NEGR1: variants seen among roughly 807,000 people sequenced by gnomAD.
NEGR1 encodes neuronal growth regulator 1, also known as IgLON family member 4.
In NEGR1, 10 loss-of-function variants were observed where a neutral mutation model predicts 40.9. The observed-to-expected ratio is 0.24, with a 90% CI of 0.15 to 0.42. The LOEUF is 0.42. Ranked by LOEUF, NEGR1 falls within the 10% of genes least tolerant of loss-of-function variation. The probability of loss-of-function intolerance (pLI) is 1.00; values close to 1 mark genes in which losing one functional copy is unlikely to be tolerated. For missense variants in NEGR1, 352 were observed against 438.9 expected (o/e 0.80, Z 1.77); for synonymous variants, 185 against 166.8 (o/e 1.11, Z -0.84).
chr1:72,233,512 C>T (rs1320386547), intron 1 of NEGR1, among the ~76,000 whole-genome samples: 2 of 152,142 alleles, frequency 1.3e-5, no homozygotes, highest in East Asian at 3.9e-4. Flanking sequence ...GTACCCAACA[C>T]TTACCTCATG....
intron 1 of NEGR1, among the ~76,000 whole-genome samples, chr1:72,121,664 TA>T (rs1302219002): frequency 6.6e-6 from 1 of 151,972 alleles, no homozygotes; most frequent in Non-Finnish European, 1.5e-5. Context: ...GATAGATGTA[TA>T]AAAATATGAT....
chr1:71,933,138 C>T (rs935159571), intron 2 of NEGR1, among the ~76,000 whole-genome samples: 3 of 151,942 alleles, frequency 2.0e-5, no homozygotes, highest in Non-Finnish European at 4.4e-5. Flanking sequence ...TAAGTACATT[C>T]GTAACTGCTC....
At chr1:72,104,594 A>G (rs1361828138) in intron 1 of NEGR1, among the ~76,000 whole-genome samples, 1 of 152,120 alleles carries the variant, frequency 6.6e-6, no homozygotes. Flanking sequence ...ACTAGTTTTT[A>G]TTTTAAAAGA....
chr1:71,476,119 A>AT (rs1282299414), intron 6 of NEGR1, among the ~76,000 whole-genome samples: 6 of 151,980 alleles, frequency 3.9e-5, no homozygotes, highest in Non-Finnish European at 7.4e-5. Context: ...AATATGTGTC[A>AT]TTTTTTAAAA....
intron 6 of NEGR1, among the ~76,000 whole-genome samples, chr1:71,411,187 C>CT (rs1646317618): frequency 6.6e-6 from 1 of 152,128 alleles, no homozygotes; most frequent in African/African-American, 2.4e-5. Context: ...ACCTTGACTT[C>CT]TTTTTTCAGA....
chr1:72,192,942 T>C (rs899464290), intron 1 of NEGR1, among the ~76,000 whole-genome samples: 1 of 151,822 alleles, frequency 6.6e-6, no homozygotes, highest in East Asian at 1.9e-4. Context: ...TCTTATTCAG[T>C]ACACCAATAA....
intron 6 of NEGR1, among the ~76,000 whole-genome samples, chr1:71,442,251 T>A (rs924315782): frequency 9.1e-4 from 70 of 76,556 alleles, no homozygotes; most frequent in African/African-American, 3.2e-3. Context: ...TTTTTTTTTT[T>A]ACTGGATTTC....
At chr1:71,785,986 G>A (rs1314408051) in intron 2 of NEGR1, among the ~76,000 whole-genome samples, 1 of 152,124 alleles carries the variant, frequency 6.6e-6, no homozygotes, top group Admixed American at 6.6e-5. Context: ...GAGGAGATGT[G>A]TCATTTTAGC....
rs994815599 is a variant in NEGR1, at chr1:71,403,046, A to G, written c.*4400T>C. 3 of 152,216 alleles carry G rather than the reference A, an allele frequency of 2.0e-5. No homozygotes were observed. In the East Asian group the frequency reaches 5.8e-4, roughly 29 times the overall value. 9.4% of individuals were successfully genotyped at this position (152,216 alleles called of 1,614,324 possible). A position where few individuals can be genotyped will look rare whatever the true frequency, so the allele number is the denominator to read the frequency against. ...ATAGCAATGATACTTATATTTCAAA[A>G]TAGCTTATAAAACCAAGCATGAATC... On this transcript the variant is annotated 3_prime_UTR_variant, in exon 7 of 7. Coordinates refer to ENST00000357731, the MANE Select transcript of NEGR1 (RefSeq NM_173808.3).
chr1:71,479,232 G>A (rs986401775), intron 6 of NEGR1, among the ~76,000 whole-genome samples: 13 of 151,838 alleles, frequency 8.6e-5, no homozygotes, highest in African/African-American at 2.7e-4. Context: ...ATCAGTCGAC[G>A]CAGCACTAAT....
chr1:71,946,054 T>C (rs1334436382), intron 1 of NEGR1, among the ~76,000 whole-genome samples: 4 of 152,016 alleles, frequency 2.6e-5, no homozygotes, highest in African/African-American at 9.7e-5. Flanking sequence ...CGTTTCTTTT[T>C]TTTTGTGTGG....
At chr1:72,223,331 C>T (rs1361538940) in intron 1 of NEGR1, among the ~76,000 whole-genome samples, 1 of 152,150 alleles carries the variant, frequency 6.6e-6, no homozygotes, top group East Asian at 1.9e-4. Context: ...TATAAGCAAA[C>T]TGAGCCCCCA....
chr1:72,188,557 A>G (rs543638966), intron 1 of NEGR1, among the ~76,000 whole-genome samples: 51 of 151,656 alleles, frequency 3.4e-4, no homozygotes, highest in African/African-American at 1.2e-3. Context: ...TATCTCAGAT[A>G]GTGCTTATAA....
chr1:71,719,633 T>C lies in NEGR1; in HGVS notation c.536-21494A>G, dbSNP rs78254023. Among the ~76,000 whole-genome samples, 10 of 151,430 alleles carry C rather than the reference T, an allele frequency of 6.6e-5. No individual in the cohort carries two copies. In the East Asian group the frequency reaches 1.4e-3, roughly 21 times the overall value. ...AGACAGGAGCCAGTGTTTTTTTTTT[T>C]ATTATTATTATACTTTAAGTTTTGG... On this transcript the variant is annotated intron_variant, in intron 3 of 6. Coordinates refer to ENST00000357731, the MANE Select transcript of NEGR1 (RefSeq NM_173808.3).
chr1:71,855,584 A>C (rs1349861525), intron 2 of NEGR1, among the ~76,000 whole-genome samples: 1 of 152,056 alleles, frequency 6.6e-6, no homozygotes, highest in Non-Finnish European at 1.5e-5. Flanking sequence ...TATTGAGAAC[A>C]ATAAGCCTAT....
intron 1 of NEGR1, among the ~76,000 whole-genome samples, chr1:72,198,442 T>G (rs1276197988): frequency 6.6e-6 from 1 of 151,964 alleles, no homozygotes; most frequent in Non-Finnish European, 1.5e-5. Flanking sequence ...GACTTTGTGA[T>G]AGGAAAACCA....
At chr1:72,159,155 G>A (rs545344243) in intron 1 of NEGR1, among the ~76,000 whole-genome samples, 2 of 152,052 alleles carry the variant, frequency 1.3e-5, no homozygotes, top group East Asian at 1.9e-4. Flanking sequence ...TTGATACTTC[G>A]GTTTTAAAAT....
chr1:72,272,034 T>G (rs1312059366), intron 1 of NEGR1, among the ~76,000 whole-genome samples: 2 of 151,866 alleles, frequency 1.3e-5, no homozygotes, highest in Non-Finnish European at 2.9e-5. Flanking sequence ...TTACCAGCAG[T>G]ATGAAAACAG....
chr1:71,441,399 A>G (rs777721412), intron 6 of NEGR1, among the ~76,000 whole-genome samples: 6 of 152,300 alleles, frequency 3.9e-5, no homozygotes, highest in Non-Finnish European at 8.8e-5. Flanking sequence ...ATGACTTTGA[A>G]TTAGCCATGA....
Sources: gnomAD v4.1 joint callset for allele counts (sites outside exome capture counted in the v4.1 genomes callset) on GRCh38, gnomAD v4.1.1 for gene constraint, MANE v1.5 for transcripts, NCBI Gene and HGNC (gene_info 2026-07-23, HGNC 2026-07-21) for gene names.